Variants in FSTL5 observed in about 807,000 individuals in gnomAD.
The protein encoded by FSTL5 is follistatin-related protein 5.
In FSTL5, 62 loss-of-function variants were observed where a neutral mutation model predicts 89.1. That is an observed-to-expected ratio of 0.70 (90% confidence interval 0.57 to 0.86). The LOEUF (loss-of-function observed/expected upper bound fraction) is 0.86. Ranked by LOEUF, FSTL5 falls within the 40% of genes least tolerant of loss-of-function variation. FSTL5 has a pLI of 0.00. For missense variants in FSTL5, 1,057 were observed against 1,001.6 expected, an observed-to-expected ratio of 1.06 and a Z score of -0.75; for synonymous variants, 383 against 346.2, an observed-to-expected ratio of 1.11 and a Z score of -1.18.
chr4:161,893,998 GAA>G (rs915383355), intron 4 of FSTL5, among the ~76,000 whole-genome samples: 12 of 152,130 alleles, frequency 7.9e-5, no homozygotes, highest in African/African-American at 2.7e-4. Flanking sequence ...GCCCATTGTA[GAA>G]ACATAGGTAT....
chr4:161,604,498 C>G (rs1734368610), intron 7 of FSTL5, among the ~76,000 whole-genome samples: 1 of 152,078 alleles, frequency 6.6e-6, no homozygotes. Context: ...AGATATACAG[C>G]AAACCACCAT....
chr4:161,799,451 A>T (rs1729731083), intron 4 of FSTL5, among the ~76,000 whole-genome samples: 1 of 151,748 alleles, frequency 6.6e-6, no homozygotes. Context: ...TACATGAAAA[A>T]AAATAAAAGA....
chr4:161,414,991 A>G (rs1223496872), intron 15 of FSTL5, among the ~76,000 whole-genome samples: 1 of 152,158 alleles, frequency 6.6e-6, no homozygotes, highest in Non-Finnish European at 1.5e-5. Context: ...ATGCATAACC[A>G]GTGAAAATTA....
intron 6 of FSTL5, among the ~76,000 whole-genome samples, chr4:161,685,200 C>CT (rs1411474254): frequency 6.6e-6 from 1 of 152,024 alleles, no homozygotes; most frequent in Non-Finnish European, 1.5e-5. Flanking sequence ...CAGATATGTT[C>CT]TTTTTGTTTA....
At chr4:161,977,457 G>C (rs951630606) in intron 3 of FSTL5, among the ~76,000 whole-genome samples, 1 of 150,646 alleles carries the variant, frequency 6.6e-6, no homozygotes, top group Non-Finnish European at 1.5e-5. Context: ...CTAAAAAATA[G>C]AAAAAATTAG....
Position 161,920,543 on chromosome 4 carries a change from C to T in FSTL5, c.270G>A (p.Met90Ile). 6.2e-7 allele frequency: 1 copy of T among 1,613,946 alleles called. No individual in the cohort carries two copies. Among genetic ancestry groups the T allele is most frequent in the East Asian group, 2.2e-5 (1 of 44,836 alleles). Residue 90 changes from methionine (M) to isoleucine (I), a missense_variant, in exon 4 of 16, where the codon ATG becomes ATA. By Grantham distance (10) the Met-to-Ile change is conservative. Transcript: ENST00000306100. ...RETGQAECAC[M>I]DLCKRHYKPV... ...GTTTGTAGTGACGTTTGCAAAGGTC[C>T]ATACAGGCACATTCTGCTTGCCCTG...
At chr4:161,871,472 T>C (rs536889461) in intron 4 of FSTL5, among the ~76,000 whole-genome samples, 1 of 152,254 alleles carries the variant, frequency 6.6e-6, no homozygotes, top group Admixed American at 6.5e-5. Flanking sequence ...TGTTAATTTC[T>C]CTGAATTTTC....
At chr4:161,999,065 G>A (rs1316660738) in intron 3 of FSTL5, among the ~76,000 whole-genome samples, 1 of 152,042 alleles carries the variant, frequency 6.6e-6, no homozygotes, top group Non-Finnish European at 1.5e-5. Context: ...TAGTTTTTCA[G>A]GTTTCTAAGG....
In FSTL5 at chr4:161,407,736, T is replaced by G. The variant is rs1578950020; in HGVS notation, c.1842-21287A>C. The stretch of plus-strand genomic sequence containing the variant: ...TGCTTCCCCATGGGACTGGGACACA[T>G]CTATCCCACAGGCCCACCTACCCTA... On this transcript the variant is annotated intron_variant, in intron 15 of 15. Transcript: ENST00000306100. Among the ~76,000 whole-genome samples the G allele has an allele frequency of 3.3e-5, 4 of 123,056 alleles. No individual in the cohort carries two copies. The East Asian group carries it at 8.6e-4, about 26-fold the overall frequency. The allele number at this position is 123,056 out of a possible 152,430, so 80.7% of individuals were successfully genotyped here.
chr4:161,992,862 ATATATATATATATATATATAT>A (rs1736156798), intron 3 of FSTL5, among the ~76,000 whole-genome samples: 6 of 38,300 alleles, frequency 1.6e-4, no homozygotes, highest in African/African-American at 6.4e-4. Flanking sequence ...AAAAAAAAAA[ATATATATATATATATATATAT>A]ATATATATAT....
Position 161,396,524 on chromosome 4 carries a change from T to C in FSTL5, c.1842-10075A>G, listed in dbSNP as rs28379009. 9.8e-3 allele frequency among the ~76,000 whole-genome samples: 1,471 copies of C among 149,400 alleles called. 20 individuals carry two copies. The highest frequency in any genetic ancestry group is 0.054 in the East Asian group (275 of 5,062). ...AAAAAATTAGCTAGACGTGGTGGCA[T>C]GTGCCTGTAATCCCAGCTACTCAGG... On this transcript the variant is annotated intron_variant, in intron 15 of 15. Transcript: ENST00000306100.
chr4:161,841,754 C>G (rs1438811729), intron 4 of FSTL5, among the ~76,000 whole-genome samples: 2 of 152,022 alleles, frequency 1.3e-5, no homozygotes, highest in Non-Finnish European at 2.9e-5. Flanking sequence ...GAAAGGTGGC[C>G]CATGTAGTAG....
At chr4:161,859,098 G>A (rs1214858390) in intron 4 of FSTL5, among the ~76,000 whole-genome samples, 2 of 152,126 alleles carry the variant, frequency 1.3e-5, no homozygotes, top group African/African-American at 4.8e-5. Flanking sequence ...CTTAGCAGAC[G>A]ATAGTCTTCC....
Position 161,384,902 on chromosome 4 carries a change from T to C in FSTL5, c.*845A>G, listed in dbSNP as rs1730560676. 6.6e-6 allele frequency: 1 copy of C among 152,200 alleles called. No individual in the cohort carries two copies. The highest frequency in any genetic ancestry group is 2.4e-5 in the African/African-American group (1 of 41,472). 9.4% of individuals were successfully genotyped at this position (152,200 alleles called of 1,614,324 possible). ...AAACAATCTATTAATAAATAATCTA[T>C]TCTGCTAGTAATAAACATCTGTAGG... is the stretch of plus-strand genomic sequence containing the variant. On this transcript the variant is annotated 3_prime_UTR_variant, in exon 16 of 16. Transcript: ENST00000306100.
chr4:161,608,963 C>T (rs1369233416), intron 7 of FSTL5, among the ~76,000 whole-genome samples: 1 of 152,010 alleles, frequency 6.6e-6, no homozygotes, highest in African/African-American at 2.4e-5. Context: ...TACATTAAAT[C>T]TCCTGTTGCA....
chr4:162,079,940 T>C (rs1002814035), intron 2 of FSTL5, among the ~76,000 whole-genome samples: 1 of 151,570 alleles, frequency 6.6e-6, no homozygotes, highest in Non-Finnish European at 1.5e-5. Context: ...GAAGGGATTA[T>C]AGCAAGCCAA....
At chr4:161,633,805 AAC>A (rs1735587247) in intron 7 of FSTL5, among the ~76,000 whole-genome samples, 2 of 152,136 alleles carry the variant, frequency 1.3e-5, no homozygotes, top group Non-Finnish European at 2.9e-5. Flanking sequence ...AGCATGAGAC[AAC>A]AGTTTATTTA....
intron 2 of FSTL5, among the ~76,000 whole-genome samples, chr4:162,033,958 C>T (rs976581469): frequency 6.6e-6 from 1 of 152,032 alleles, no homozygotes; most frequent in Non-Finnish European, 1.5e-5. Flanking sequence ...ATCATTATGC[C>T]AGGCTAATAT....
At chr4:161,643,316 ACT>A (rs1198513589) in intron 7 of FSTL5, among the ~76,000 whole-genome samples, 1 of 151,958 alleles carries the variant, frequency 6.6e-6, no homozygotes, top group African/African-American at 2.4e-5. Flanking sequence ...TACTGGGAAC[ACT>A]CTTTCACCTG....
Sources: gnomAD v4.1 joint callset for allele counts (sites outside exome capture counted in the v4.1 genomes callset) on GRCh38, gnomAD v4.1.1 for gene constraint, MANE v1.5 for transcripts, NCBI Gene and HGNC (gene_info 2026-07-23, HGNC 2026-07-21) for gene names.